PIGU: variants seen among roughly 807,000 people sequenced by gnomAD.
PIGU encodes the protein GPI-anchor transamidase component PIGU.
A neutral mutation model predicts 49.9 loss-of-function variants in PIGU; 24 were observed. The observed-to-expected ratio is 0.48, with a 90% CI of 0.35 to 0.68. The LOEUF (loss-of-function observed/expected upper bound fraction) is 0.68, where lower values mean the gene tolerates loss of function less well. PIGU is among the 30% of genes least tolerant of loss of function. The pLI is 0.01. For missense variants in PIGU, 490 were observed against 532.6 expected (o/e 0.92, Z 0.79); for synonymous variants, 220 against 205.7 (o/e 1.07, Z -0.59).
chr20:34,606,254 CAAA>C (rs35050660), intron 7 of PIGU, among the ~76,000 whole-genome samples: 8 of 83,852 alleles, frequency 9.5e-5, no homozygotes, highest in Non-Finnish European at 9.7e-5. Flanking sequence ...GACTCCGTCT[CAAA>C]AAAAAAAAAA....
At chr20:34,596,510 G>A (rs939418723) in intron 7 of PIGU, among the ~76,000 whole-genome samples, 4 of 152,180 alleles carry the variant, frequency 2.6e-5, no homozygotes, top group Non-Finnish European at 4.4e-5. Context: ...GAAGTGGAGT[G>A]AGGGATACAA....
At chr20:34,634,842 T>TC in intron 5 of PIGU, 127 bp from the exon 6 acceptor site, 1 of 1,420,842 alleles carries the variant, frequency 7.0e-7, no homozygotes, top group Non-Finnish European at 9.3e-7. Context: ...AGAAATGAGT[T>TC]CCCCCAAATA....
intron 7 of PIGU, among the ~76,000 whole-genome samples, chr20:34,613,476 A>G (rs1367576536): frequency 6.6e-6 from 1 of 152,234 alleles, no homozygotes; most frequent in African/African-American, 2.4e-5. Context: ...AGTGGTGCAT[A>G]GAGATTGGCT....
intron 11 of PIGU, among the ~76,000 whole-genome samples, chr20:34,561,952 C>T (rs1313552918): frequency 6.6e-6 from 1 of 152,190 alleles, no homozygotes; most frequent in Non-Finnish European, 1.5e-5. Flanking sequence ...ACTGTGCCTC[C>T]TCCCCTGGCC....
chr20:34,614,484 G>T (rs902593833), intron 7 of PIGU, among the ~76,000 whole-genome samples: 1 of 151,814 alleles, frequency 6.6e-6, no homozygotes, highest in African/African-American at 2.4e-5. Context: ...AATTAGCCGG[G>T]TGTGGTGGCA....
chr20:34,583,478 G>A (rs1304984742), intron 9 of PIGU, among the ~76,000 whole-genome samples: 1 of 152,232 alleles, frequency 6.6e-6, no homozygotes, highest in Non-Finnish European at 1.5e-5. Flanking sequence ...AGAGAAGACA[G>A]CAGGGAGAGC....
chr20:34,594,792 A>G (rs1012930454), intron 7 of PIGU, among the ~76,000 whole-genome samples: 5 of 152,066 alleles, frequency 3.3e-5, no homozygotes, highest in African/African-American at 1.2e-4. Context: ...ATAAAGGCAT[A>G]CAAGAAAATA....
chr20:34,561,776 T>C (rs1982525934), intron 11 of PIGU, among the ~76,000 whole-genome samples: 1 of 151,930 alleles, frequency 6.6e-6, no homozygotes, highest in Admixed American at 6.6e-5. Flanking sequence ...ATCTTTACTG[T>C]TTCTTCTGCC....
chr20:34,619,970 T>TG lies in PIGU; in HGVS notation c.530-3832dup, dbSNP rs576191765. 1.6e-3 allele frequency among the ~76,000 whole-genome samples: 250 copies of TG among 152,314 alleles called. 2 individuals are homozygous for TG. The highest frequency in any genetic ancestry group is 5.6e-3 in the African/African-American group (234 of 41,576). Reference sequence around the variant, plus strand: ...TCACCAAGCCCTGTGGATCCACCCCTGGAGCATTTATCCTTTCAGTTCTTG... The same window carrying TG: ...TCACCAAGCCCTGTGGATCCACCCCTGGGAGCATTTATCCTTTCAGTTCTTG... On this transcript the variant is annotated intron_variant, in intron 6 of 11. Transcript: ENST00000217446.
intron 2 of PIGU, among the ~76,000 whole-genome samples, chr20:34,647,954 G>A (rs148457543): frequency 2.3e-4 from 35 of 152,148 alleles, no homozygotes; most frequent in African/African-American, 7.7e-4. Flanking sequence ...AAAGAGGTAT[G>A]TTAAAAATCT....
chr20:34,622,386 G>A (rs747282699), intron 6 of PIGU, among the ~76,000 whole-genome samples: 1 of 151,882 alleles, frequency 6.6e-6, no homozygotes, highest in African/African-American at 2.4e-5. Flanking sequence ...ATGTGGTGGC[G>A]GGCGCATGTA....
chr20:34,632,905 T>C (rs918263547), intron 6 of PIGU, among the ~76,000 whole-genome samples: 4 of 151,250 alleles, frequency 2.6e-5, no homozygotes, highest in Admixed American at 2.6e-4. Context: ...CTATTTGATG[T>C]GTTTAAGTGT....
intron 1 of PIGU, among the ~76,000 whole-genome samples, chr20:34,663,050 G>A (rs7363544): frequency 6.6e-6 from 1 of 152,042 alleles, no homozygotes; most frequent in East Asian, 1.9e-4. Flanking sequence ...TGAGAACACA[G>A]GCCAATGCCA....
At chr20:34,581,931 C>A (rs545394927) in intron 9 of PIGU, among the ~76,000 whole-genome samples, 200 of 152,314 alleles carry the variant, frequency 1.3e-3, no homozygotes, top group African/African-American at 4.7e-3. Flanking sequence ...CATCAACAGT[C>A]CCCCTCTGCC....
At chr20:34,644,111 G>C (rs1190925564) in intron 4 of PIGU, 53 bp downstream of exon 4, 3 of 1,455,474 alleles carry the variant, frequency 2.1e-6, no homozygotes, top group Middle Eastern at 1.8e-4. Context: ...TAATAACAAA[G>C]ACCAGAAGGT....
intron 9 of PIGU, among the ~76,000 whole-genome samples, chr20:34,582,303 C>G (rs1983511110): frequency 6.6e-6 from 1 of 152,156 alleles, no homozygotes; most frequent in Non-Finnish European, 1.5e-5. Context: ...CAATGGGTAT[C>G]CTCTCCTGAA....
intron 1 of PIGU, among the ~76,000 whole-genome samples, chr20:34,661,310 C>T (rs773347398): frequency 5.3e-5 from 8 of 152,060 alleles, no homozygotes; most frequent in Non-Finnish European, 8.8e-5. Context: ...TCTCATCACC[C>T]AGGTAATAAG....
intron 4 of PIGU, among the ~76,000 whole-genome samples, chr20:34,641,233 A>G (rs944633148): frequency 6.6e-6 from 1 of 152,106 alleles, no homozygotes; most frequent in African/African-American, 2.4e-5. Context: ...GGCTTTTTCT[A>G]ATCATTGAAG....
At chr20:34,564,521 A>T (rs1982663664) in intron 11 of PIGU, among the ~76,000 whole-genome samples, 1 of 152,114 alleles carries the variant, frequency 6.6e-6, no homozygotes, top group African/African-American at 2.4e-5. Flanking sequence ...AATTAACAGC[A>T]ATGACCTATT....
Sources: gnomAD v4.1 joint callset for allele counts (sites outside exome capture counted in the v4.1 genomes callset) on GRCh38, gnomAD v4.1.1 for gene constraint, MANE v1.5 for transcripts, NCBI Gene and HGNC (gene_info 2026-07-23, HGNC 2026-07-21) for gene names.